DLC1: variants seen among roughly 807,000 people sequenced by gnomAD.
DLC1 encodes the protein DLC1 Rho GTPase activating protein.
DLC1 carries 54 observed loss-of-function variants against 140.3 expected under a neutral mutation model. The observed-to-expected ratio is 0.38, with a 90% CI of 0.31 to 0.48. The LOEUF is 0.48. Ranked by LOEUF, DLC1 falls within the 20% of genes least tolerant of loss-of-function variation. The pLI is 0.96. For synonymous variants in DLC1, 986 were observed against 728.1 expected (o/e 1.35, Z -5.70); for missense variants, 2,536 against 1,907.0 (o/e 1.33, Z -6.14).
At chr8:13,547,563 C>T (rs1803695470) in intron 1 of DLC1, among the ~76,000 whole-genome samples, 2 of 152,016 alleles carry the variant, frequency 1.3e-5, no homozygotes, top group Admixed American at 1.3e-4. Context: ...TGAGTATATG[C>T]TATTGCTCTC....
intron 1 of DLC1, among the ~76,000 whole-genome samples, chr8:13,544,598 T>C (rs1727888126): frequency 6.6e-6 from 1 of 152,156 alleles, no homozygotes; most frequent in Admixed American, 6.6e-5. Context: ...TACATACTGT[T>C]GTGCATGATT....
intron 2 of DLC1, among the ~76,000 whole-genome samples, chr8:13,420,831 G>C (rs908436868): frequency 6.6e-6 from 1 of 152,070 alleles, no homozygotes; most frequent in Non-Finnish European, 1.5e-5. Context: ...ATAATAAATG[G>C]AGTGGCAAAT....
In DLC1 at chr8:13,179,410, G is replaced by GTA. The variant is rs529620135; in HGVS notation, c.1349-63755_1349-63754dup. Among the ~76,000 whole-genome samples, 656 of 152,194 alleles carry GTA rather than the reference G, an allele frequency of 4.3e-3. 7 individuals carry two copies. The highest frequency in any genetic ancestry group is 0.015 in the African/African-American group (635 of 41,518). On this transcript the variant is annotated intron_variant, in intron 5 of 17. Transcript: ENST00000276297. ...CGGGCTGTACACTTACACATGCACT[G>GTA]TATATATATTTTTTAATAAAGAATT... is the stretch of plus-strand genomic sequence containing the variant.
chr8:13,132,922 G>T (rs762775634), intron 5 of DLC1: 42 of 1,592,426 alleles, frequency 2.6e-5, no homozygotes, highest in Admixed American at 3.6e-5. Context: ...CAGCCCGACG[G>T]CAAGACGCAA....
chr8:13,489,349 C>T (rs575617735), intron 2 of DLC1, among the ~76,000 whole-genome samples: 18 of 131,518 alleles, frequency 1.4e-4, no homozygotes, highest in African/African-American at 4.8e-4. Flanking sequence ...CCCCCGGCCC[C>T]GAGATTTTTC....
intron 1 of DLC1, among the ~76,000 whole-genome samples, chr8:13,584,715 T>C (rs563941285): frequency 1.3e-5 from 2 of 152,230 alleles, no homozygotes; most frequent in Non-Finnish European, 2.9e-5. Context: ...GGTAGGCACA[T>C]TGAGATGTGA....
chr8:13,503,502 A>G (rs968025366), intron 1 of DLC1, among the ~76,000 whole-genome samples: 3 of 152,152 alleles, frequency 2.0e-5, no homozygotes, highest in African/African-American at 7.2e-5. Flanking sequence ...ATCATGCTCT[A>G]TTTTTGCACT....
intron 5 of DLC1, among the ~76,000 whole-genome samples, chr8:13,278,305 A>G (rs1831247437): frequency 6.6e-6 from 1 of 152,204 alleles, no homozygotes; most frequent in Non-Finnish European, 1.5e-5. Flanking sequence ...CAATGTCCCC[A>G]GAGTTTGTGT....
intron 4 of DLC1, among the ~76,000 whole-genome samples, chr8:13,338,111 A>C (rs1833882711): frequency 6.6e-6 from 1 of 152,154 alleles, no homozygotes; most frequent in Non-Finnish European, 1.5e-5. Context: ...CAATTGAAAG[A>C]ACCTGGACTG....
At chr8:13,573,316 A>G (rs150585823) in intron 1 of DLC1, among the ~76,000 whole-genome samples, 1 of 152,172 alleles carries the variant, frequency 6.6e-6, no homozygotes, top group East Asian at 1.9e-4. Flanking sequence ...GGTTTTGTAT[A>G]CTGCAACTTT....
At chr8:13,096,263 G>C (rs886446667) in intron 10 of DLC1, among the ~76,000 whole-genome samples, 2 of 152,150 alleles carry the variant, frequency 1.3e-5, no homozygotes, top group Non-Finnish European at 2.9e-5. Flanking sequence ...AGATTCTTGA[G>C]GGTTTGGTGG....
chr8:13,483,398 G>T (rs1800828713), intron 2 of DLC1, among the ~76,000 whole-genome samples: 1 of 152,178 alleles, frequency 6.6e-6, no homozygotes. Flanking sequence ...TAAGTGAATA[G>T]ATGGTTCCAA....
At chr8:13,453,551 TATA>T (rs1799251724) in intron 2 of DLC1, among the ~76,000 whole-genome samples, 1 of 53,640 alleles carries the variant, frequency 1.9e-5, no homozygotes, top group African/African-American at 9.7e-5. Context: ...TATATATATA[TATA>T]TATTTTTTTT....
intron 2 of DLC1, among the ~76,000 whole-genome samples, chr8:13,428,368 G>C (rs1397355289): frequency 6.6e-6 from 1 of 152,100 alleles, no homozygotes; most frequent in African/African-American, 2.4e-5. Context: ...TGGCTTGAGA[G>C]GAATGTTTGA....
At chr8:13,328,112 C>T (rs1366129918) in intron 4 of DLC1, among the ~76,000 whole-genome samples, 1 of 152,182 alleles carries the variant, frequency 6.6e-6, no homozygotes, top group Non-Finnish European at 1.5e-5. Context: ...CTAGATCATG[C>T]AAGCCCTTGT....
At chr8:13,577,380 G>C (rs1303938110) in intron 1 of DLC1, among the ~76,000 whole-genome samples, 1 of 152,114 alleles carries the variant, frequency 6.6e-6, no homozygotes, top group African/African-American at 2.4e-5. Flanking sequence ...ATGTTTTAGA[G>C]TAATGGGTTA....
At chr8:13,337,741 C>T (rs1359150288) in intron 4 of DLC1, among the ~76,000 whole-genome samples, 3 of 152,106 alleles carry the variant, frequency 2.0e-5, no homozygotes, top group Admixed American at 6.6e-5. Flanking sequence ...TACAATAAAG[C>T]TGGAAAATGT....
At chr8:13,353,139 C>T (rs1342090900) in intron 4 of DLC1, among the ~76,000 whole-genome samples, 2 of 152,172 alleles carry the variant, frequency 1.3e-5, no homozygotes, top group African/African-American at 4.8e-5. Context: ...CGTGGCTTTC[C>T]TCTTGTCTGC....
At chr8:13,589,235 T>G (rs1277493870) in intron 1 of DLC1, among the ~76,000 whole-genome samples, 1 of 152,104 alleles carries the variant, frequency 6.6e-6, no homozygotes, top group Non-Finnish European at 1.5e-5. Context: ...TATGCTTTTT[T>G]AATGTTATAA....
Sources: gnomAD v4.1 joint callset for allele counts (sites outside exome capture counted in the v4.1 genomes callset) on GRCh38, gnomAD v4.1.1 for gene constraint, MANE v1.5 for transcripts, NCBI Gene and HGNC (gene_info 2026-07-23, HGNC 2026-07-21) for gene names.